Variants in NBEAL1 observed in about 807,000 individuals in gnomAD.
The protein encoded by NBEAL1 is neurobeachin like 1.
Under a neutral mutation model 351.3 loss-of-function variants are expected in NBEAL1, and 273 were observed. That is an observed-to-expected ratio of 0.78 (90% CI 0.70 to 0.86). The LOEUF (loss-of-function observed/expected upper bound fraction) is 0.86, where lower values mean the gene tolerates loss of function less well. Ranked by LOEUF, NBEAL1 falls within the 40% of genes least tolerant of loss-of-function variation. The pLI is 0.00. For missense variants in NBEAL1, 2,961 were observed against 3,201.3 expected, an observed-to-expected ratio of 0.92 and a Z score of 1.81; for synonymous variants, 1,050 against 1,086.4, an observed-to-expected ratio of 0.97 and a Z score of 0.66.
chr2:203,207,542 G>A (rs1051351909), intron 51 of NBEAL1, among the ~76,000 whole-genome samples: 5 of 152,240 alleles, frequency 3.3e-5, no homozygotes, highest in African/African-American at 9.6e-5. Flanking sequence ...GTAGACATGG[G>A]AGACTTTTCA....
intron 36 of NBEAL1, among the ~76,000 whole-genome samples, chr2:203,161,514 A>G (rs767113091): frequency 6.6e-6 from 1 of 151,588 alleles, no homozygotes; most frequent in Non-Finnish European, 1.5e-5. Context: ...CTGTAGTCCC[A>G]GCTACTCAGG....
intron 12 of NBEAL1, among the ~76,000 whole-genome samples, chr2:203,100,663 C>T (rs1340964873): frequency 2.0e-5 from 3 of 151,720 alleles, no homozygotes; most frequent in Admixed American, 6.6e-5. Context: ...GCTCCTGCCT[C>T]AGCCTCCCAA....
intron 2 of NBEAL1, chr2:203,040,649 G>A: frequency 1.5e-6 from 1 of 657,040 alleles, no homozygotes; most frequent in Admixed American, 1.8e-5. Context: ...GAGAAGTTTG[G>A]TGACATTTGC....
chr2:203,193,938 A>G, intron 47 of NBEAL1, 27 bp downstream of exon 47: 1 of 1,291,096 alleles, frequency 7.7e-7, no homozygotes, highest in Non-Finnish European at 1.1e-6. Context: ...TAATATCAAA[A>G]AGAGTTTTCT....
intron 3 of NBEAL1, among the ~76,000 whole-genome samples, chr2:203,042,690 C>T (rs2061162625): frequency 6.6e-6 from 1 of 151,744 alleles, no homozygotes; most frequent in South Asian, 2.1e-4. Flanking sequence ...TAGGTTCAAG[C>T]AATTCTCCTG....
chr2:203,161,929 C>T (rs185444292), intron 36 of NBEAL1, among the ~76,000 whole-genome samples: 46 of 151,898 alleles, frequency 3.0e-4, no homozygotes, highest in Middle Eastern at 6.8e-3. Flanking sequence ...TGGATCTGTA[C>T]ATGGCTTAGG....
In NBEAL1 at chr2:203,083,385, C is replaced by G; in HGVS notation, c.851C>G (p.Ser284Cys). ...GTACATATCCTTCTCAGTAGCAACT[C>G]TGATCAGCGTCAAGTGGAAACCAGT... ...EVVHILLSSN[S>C]DQRQVETSTI... is the part of the protein sequence containing the mutation. The change falls in exon 9 of 56, where the codon TCT (serine) becomes TGT (cysteine). Residue 284 changes from serine (S) to cysteine (C), a missense_variant. By Grantham distance (112) the Ser-to-Cys change is moderately radical. Coordinates refer to ENST00000683969, the MANE Select transcript of NBEAL1 (RefSeq NM_001378026.1). 6.4e-7 allele frequency: 1 copy of G among 1,555,490 alleles called. No individual in the cohort carries two copies. Among genetic ancestry groups the G allele is most frequent in the Non-Finnish European group, 8.7e-7 (1 of 1,148,032 alleles).
rs963723437 is a variant in NBEAL1, at chr2:203,218,174, G to C, written c.*820G>C. ...GTTTTACTCTAATAATTAAGAGTTA[G>C]TAGTACCCAAATATGTTGAATTTTT... On this transcript the variant is annotated 3_prime_UTR_variant, in exon 56 of 56. Coordinates refer to ENST00000683969, the MANE Select transcript of NBEAL1 (RefSeq NM_001378026.1). 6.5e-6 allele frequency: 1 copy of C among 154,270 alleles called. No individual in the cohort carries two copies. 9.6% of individuals were successfully genotyped at this position (154,270 alleles called of 1,614,324 possible). A position where few individuals can be genotyped will look rare whatever the true frequency, so the allele number is the denominator to read the frequency against.
intron 30 of NBEAL1, 122 bp downstream of exon 30, chr2:203,138,437 A>G (rs1413248749): frequency 1.9e-6 from 2 of 1,076,374 alleles, no homozygotes; most frequent in African/African-American, 3.2e-5. Flanking sequence ...CAAGGATAAG[A>G]TGTGATGAAT....
chr2:203,069,948 C>A (rs1269351457), intron 7 of NBEAL1, among the ~76,000 whole-genome samples: 1 of 152,152 alleles, frequency 6.6e-6, no homozygotes. Context: ...GTGAGAGCCA[C>A]CATGCCCAGC....
chr2:203,191,791 A>G (rs1027471847), intron 46 of NBEAL1, among the ~76,000 whole-genome samples: 3 of 152,200 alleles, frequency 2.0e-5, no homozygotes, highest in African/African-American at 7.2e-5. Context: ...CTAGCATGCC[A>G]TGTTTCCTCT....
chr2:203,141,357 ATTATTATTATTTTTTTTTTTTTT>A (rs2063364323), intron 31 of NBEAL1, among the ~76,000 whole-genome samples: 1 of 11,666 alleles, frequency 8.6e-5, no homozygotes, highest in South Asian at 3.4e-3. Context: ...TATTATTATT[ATTATTATTATTTTTTTTTTTTTT>A]TTTTTTTTTT....
intron 55 of NBEAL1, among the ~76,000 whole-genome samples, chr2:203,217,001 G>C (rs904112833): frequency 6.6e-6 from 1 of 152,012 alleles, no homozygotes; most frequent in Non-Finnish European, 1.5e-5. Context: ...ACGGAAGTTT[G>C]CCATTTTGGC....
At chr2:203,178,422 C>T (rs1202784039) in intron 42 of NBEAL1, among the ~76,000 whole-genome samples, 1 of 152,138 alleles carries the variant, frequency 6.6e-6, no homozygotes, top group African/African-American at 2.4e-5. Flanking sequence ...CCACCATGGC[C>T]TACCAAAGTG....
intron 55 of NBEAL1, 120 bp downstream of exon 55, chr2:203,213,773 T>G: frequency 1.3e-6 from 2 of 1,532,098 alleles, no homozygotes; most frequent in Non-Finnish European, 1.8e-6. Flanking sequence ...CCAAATTTGA[T>G]TTTTCAAAAG....
At chr2:203,209,651 TAAAC>T (rs965004205) in intron 53 of NBEAL1, among the ~76,000 whole-genome samples, 21 of 151,922 alleles carry the variant, frequency 1.4e-4, no homozygotes, top group African/African-American at 5.1e-4. Context: ...AGGGTATAAA[TAAAC>T]AAGCCCTCAA....
At chr2:203,064,651 G>T (rs1210834153) in intron 6 of NBEAL1, among the ~76,000 whole-genome samples, 1 of 152,172 alleles carries the variant, frequency 6.6e-6, no homozygotes, top group African/African-American at 2.4e-5. Context: ...AGGGCTGGAG[G>T]ACAACTTTCT....
At chr2:203,105,875 A>C (rs567558915) in intron 12 of NBEAL1, among the ~76,000 whole-genome samples, 2 of 152,344 alleles carry the variant, frequency 1.3e-5, no homozygotes, top group African/African-American at 4.8e-5. Context: ...GTGGTTCATG[A>C]GTTTAAAAAA....
At position 203,127,925 on chromosome 2, in the gene NBEAL1, TGAA is replaced by T. The variant is rs768225795; in HGVS notation, c.3400_3402del (p.Glu1134del). On this transcript the variant is annotated inframe_deletion, in exon 24 of 56. Coordinates refer to ENST00000683969, the MANE Select transcript of NBEAL1 (RefSeq NM_001378026.1). Reference sequence around the variant, plus strand: ...TTATGGGGTACATAGCTGCTACTAATGAAGAAGAACAGGTATTATGCCTAAGAT... The same window carrying T: ...TTATGGGGTACATAGCTGCTACTAATGAAGAACAGGTATTATGCCTAAGAT... 2.2e-5 allele frequency: 34 copies of T among 1,549,514 alleles called. No individual in the cohort carries two copies. Among genetic ancestry groups the T allele is most frequent in the Middle Eastern group, 1.7e-4 (1 of 5,990 alleles).
Sources: allele counts gnomAD v4.1 joint callset (sites outside exome capture counted in the v4.1 genomes callset), GRCh38; gene constraint gnomAD v4.1.1; transcripts MANE v1.5; gene names NCBI Gene and HGNC (gene_info 2026-07-23, HGNC 2026-07-21).